Variants in THSD7B observed in about 807,000 individuals in gnomAD.
The protein encoded by THSD7B is thrombospondin type 1 domain containing 7B, also known as thrombospondin type-1 domain-containing protein 7B.
Under a neutral mutation model 213.6 loss-of-function variants are expected in THSD7B, and 138 were observed. The observed-to-expected ratio is 0.65, with a 90% confidence interval of 0.56 to 0.74. The LOEUF (loss-of-function observed/expected upper bound fraction) is 0.74, where lower values mean the gene tolerates loss of function less well. Ranked by LOEUF, THSD7B falls within the 30% of genes least tolerant of loss-of-function variation. The probability of loss-of-function intolerance (pLI) is 0.00; values close to 1 mark genes in which losing one functional copy is unlikely to be tolerated. For missense variants in THSD7B, 1,931 were observed against 1,991.5 expected, an observed-to-expected ratio of 0.97 and a Z score of 0.58; for synonymous variants, 742 against 687.0, an observed-to-expected ratio of 1.08 and a Z score of -1.25.
intron 12 of THSD7B, among the ~76,000 whole-genome samples, chr2:137,301,865 A>G (rs971735366): frequency 3.3e-5 from 5 of 152,060 alleles, no homozygotes; most frequent in Non-Finnish European, 5.9e-5. Flanking sequence ...ACAACTTTTG[A>G]TTTTTACTCA....
At chr2:137,632,355 T>C (rs1481050417) in intron 20 of THSD7B, among the ~76,000 whole-genome samples, 1 of 152,194 alleles carries the variant, frequency 6.6e-6, no homozygotes, top group Non-Finnish European at 1.5e-5. Flanking sequence ...TAATGTTGCA[T>C]GTTATGTAGT....
chr2:137,279,615 A>G (rs1209184314), intron 12 of THSD7B, among the ~76,000 whole-genome samples: 1 of 152,114 alleles, frequency 6.6e-6, no homozygotes, highest in African/African-American at 2.4e-5. Context: ...TGCGTTGCAA[A>G]ATGCTGAAAA....
rs1195646497 is a variant in THSD7B at position 136,817,843 on chromosome 2, T to C, written c.-36+52156T>C. On this transcript the variant is annotated intron_variant, in intron 1 of 27. Coordinates refer to ENST00000409968, the MANE Select transcript of THSD7B (RefSeq NM_001316349.2). ...AGAGAAATGCAAATCAAAACCACAATGAGATACCATCTCACACCAGTTAGA... is the reference window on the plus strand; with the variant it reads ...AGAGAAATGCAAATCAAAACCACAACGAGATACCATCTCACACCAGTTAGA... 2.8e-3 allele frequency among the ~76,000 whole-genome samples: 413 copies of C among 146,968 alleles called. 5 individuals carry two copies. Among genetic ancestry groups the C allele is most frequent in the African/African-American group, 8.3e-3 (336 of 40,354 alleles).
intron 12 of THSD7B, among the ~76,000 whole-genome samples, chr2:137,345,315 A>T (rs2104912586): frequency 6.6e-6 from 1 of 151,806 alleles, no homozygotes; most frequent in South Asian, 2.1e-4. Flanking sequence ...TAACTTTCTT[A>T]TTAAGCACTT....
At chr2:137,013,752 C>G (rs916403501) in intron 2 of THSD7B, among the ~76,000 whole-genome samples, 1 of 152,146 alleles carries the variant, frequency 6.6e-6, no homozygotes, top group Non-Finnish European at 1.5e-5. Context: ...AAGGAGGGTT[C>G]TCAGAGCCAG....
In THSD7B at chr2:137,659,716, CT is replaced by C; in HGVS notation, c.4429del (p.Cys1477AlafsTer23). On this transcript the variant is annotated frameshift_variant, in exon 25 of 28. Coordinates refer to ENST00000409968, the MANE Select transcript of THSD7B (RefSeq NM_001316349.2). LOFTEE classifies it high-confidence loss of function. ...CTGCCATTCGGCAGTGCATTCCAGC[CT>C]GCAGAAAACCTTTCTCCTACTGTAC... is the stretch of plus-strand genomic sequence containing the variant. ...PAAIRQCIPACRKPFSYCTQG... is the reference protein window; with the variant it reads ...PAAIRQCIPAXRKPFSYCTQG... 6.2e-7 allele frequency: 1 copy of C among 1,604,556 alleles called. No homozygotes were observed. The highest frequency in any genetic ancestry group is 8.5e-7 in the Non-Finnish European group (1 of 1,175,264).
chr2:137,263,184 G>A (rs1682492656), intron 10 of THSD7B, among the ~76,000 whole-genome samples: 1 of 152,048 alleles, frequency 6.6e-6, no homozygotes, highest in African/African-American at 2.4e-5. Flanking sequence ...AGCGTATGCA[G>A]ATATAAACAT....
intron 2 of THSD7B, among the ~76,000 whole-genome samples, chr2:136,983,645 A>G (rs999475193): frequency 6.6e-6 from 1 of 152,176 alleles, no homozygotes; most frequent in African/African-American, 2.4e-5. Flanking sequence ...GGTCATTAAA[A>G]TTGTCTAAAT....
chr2:137,573,095 A>G (rs545047066), intron 17 of THSD7B, among the ~76,000 whole-genome samples: 38 of 151,756 alleles, frequency 2.5e-4, no homozygotes, highest in African/African-American at 8.4e-4. Flanking sequence ...ATATACCTTT[A>G]TTTTTTTCTT....
intron 15 of THSD7B, among the ~76,000 whole-genome samples, chr2:137,544,754 A>C (rs1330385603): frequency 6.6e-6 from 1 of 151,766 alleles, no homozygotes; most frequent in African/African-American, 2.4e-5. Context: ...TTAATGGCTT[A>C]ATTTTAATTC....
At chr2:137,504,196 G>A (rs1005866907) in intron 15 of THSD7B, among the ~76,000 whole-genome samples, 1 of 151,968 alleles carries the variant, frequency 6.6e-6, no homozygotes, top group African/African-American at 2.4e-5. Flanking sequence ...TGACTCCATG[G>A]GTGATGGTTT....
intron 6 of THSD7B, 136 bp downstream of exon 6, chr2:137,160,504 A>G: frequency 1.7e-6 from 2 of 1,195,552 alleles, no homozygotes; most frequent in East Asian, 5.2e-5. Context: ...GCCTAACGGT[A>G]TTCAGTTTTA....
At chr2:136,862,364 G>C (rs1355668985) in intron 1 of THSD7B, among the ~76,000 whole-genome samples, 1 of 152,108 alleles carries the variant, frequency 6.6e-6, no homozygotes, top group African/African-American at 2.4e-5. Context: ...TCAGTTTCAG[G>C]TATTATTAAC....
chr2:137,039,156 A>G (rs187215920), intron 2 of THSD7B, among the ~76,000 whole-genome samples: 1 of 152,306 alleles, frequency 6.6e-6, no homozygotes, highest in Admixed American at 6.5e-5. Flanking sequence ...TCTTCTTTAA[A>G]ATACACATTT....
intron 7 of THSD7B, among the ~76,000 whole-genome samples, chr2:137,209,004 A>C (rs951885630): frequency 6.6e-6 from 1 of 152,028 alleles, no homozygotes; most frequent in African/African-American, 2.4e-5. Flanking sequence ...CCTTGTAGAC[A>C]TCATTAGTTT....
chr2:137,364,855 G>A (rs113150788), intron 12 of THSD7B, among the ~76,000 whole-genome samples: 5,690 of 152,156 alleles, frequency 0.037, 373 homozygotes, highest in African/African-American at 0.13. Context: ...CCATCAAGCT[G>A]CCAATGACTT....
chr2:137,437,119 C>G (rs1011580034), intron 14 of THSD7B, among the ~76,000 whole-genome samples: 10 of 152,130 alleles, frequency 6.6e-5, no homozygotes, highest in Non-Finnish European at 1.0e-4. Context: ...CCCAGATCAT[C>G]TTTTGAGATA....
chr2:137,380,027 C>T (rs1239059435), intron 12 of THSD7B, among the ~76,000 whole-genome samples: 1 of 152,178 alleles, frequency 6.6e-6, no homozygotes, highest in East Asian at 1.9e-4. Context: ...GTTCTTTGCT[C>T]TTAAGCTTCA....
chr2:137,657,304 C>T (rs997044263), intron 24 of THSD7B, 144 bp downstream of exon 24: 4 of 677,760 alleles, frequency 5.9e-6, no homozygotes, highest in East Asian at 2.8e-5. Context: ...TTTCATTAGA[C>T]GTTTGCATCT....
Sources: allele counts gnomAD v4.1 joint callset (sites outside exome capture counted in the v4.1 genomes callset), GRCh38; gene constraint gnomAD v4.1.1; transcripts MANE v1.5; gene names NCBI Gene and HGNC (gene_info 2026-07-23, HGNC 2026-07-21).